Variants in CNTNAP2 observed in about 807,000 individuals in gnomAD.
CNTNAP2 encodes the protein contactin associated protein 2.
A neutral mutation model predicts 155.2 loss-of-function variants in CNTNAP2; 98 were observed. The ratio of observed to expected loss-of-function variants is 0.63; its 90% CI spans 0.54 to 0.75. The LOEUF (loss-of-function observed/expected upper bound fraction) is 0.75. Among genes scored for constraint, CNTNAP2 ranks in the 30% least tolerant of loss-of-function variants. The probability of loss-of-function intolerance (pLI) is 0.00; values close to 1 mark genes in which losing one functional copy is unlikely to be tolerated. For missense variants in CNTNAP2, 1,727 were observed against 1,688.1 expected, an observed-to-expected ratio of 1.02 and a Z score of -0.40; for synonymous variants, 651 against 631.2, an observed-to-expected ratio of 1.03 and a Z score of -0.47.
rs73164092 is a variant in CNTNAP2 at position 146,565,689 on chromosome 7, G to A, written c.98-208582G>A. ...CAAAAAACATCCCTTCGAAATGTAG[G>A]CATACACAATGATTTTTAAAGTTGT... On this transcript the variant is annotated intron_variant, in intron 1 of 23. Coordinates refer to ENST00000361727, the MANE Select transcript of CNTNAP2 (RefSeq NM_014141.6). 3.0e-3 allele frequency among the ~76,000 whole-genome samples: 452 copies of A among 152,278 alleles called. 2 individuals carry two copies. Among genetic ancestry groups the A allele is most frequent in the Non-Finnish European group, 4.5e-3 (308 of 68,024 alleles).
In CNTNAP2 at chr7:148,363,180, T is replaced by C. The variant is rs1056355452; in HGVS notation, c.3476-20469T>C. ...ATTTTTTTAGTAGAGACGGGGTTTC[T>C]CCATGTTGGCCTGGCTGGTCTCAAA... On this transcript the variant is annotated intron_variant, in intron 21 of 23. Coordinates refer to ENST00000361727, the MANE Select transcript of CNTNAP2 (RefSeq NM_014141.6). Among the ~76,000 whole-genome samples, 11 of 152,268 alleles carry C rather than the reference T, an allele frequency of 7.2e-5. No individual in the cohort carries two copies. The East Asian group carries it at 1.7e-3, about 24-fold the overall frequency.
chr7:147,306,686 C>G (rs963174718), intron 9 of CNTNAP2, among the ~76,000 whole-genome samples: 4 of 152,126 alleles, frequency 2.6e-5, no homozygotes, highest in African/African-American at 4.8e-5. Flanking sequence ...GAAGAGAACA[C>G]CCAGCTAAGA....
intron 2 of CNTNAP2, among the ~76,000 whole-genome samples, chr7:146,801,780 C>G (rs548412217): frequency 2.8e-4 from 42 of 152,198 alleles, no homozygotes; most frequent in African/African-American, 7.5e-4. Flanking sequence ...TGAGAAAGCT[C>G]TTTTATTATA....
At chr7:148,070,531 A>G (rs930020601) in intron 15 of CNTNAP2, among the ~76,000 whole-genome samples, 8 of 152,226 alleles carry the variant, frequency 5.3e-5, no homozygotes, top group Admixed American at 1.3e-4. Context: ...AGCCTGGCCA[A>G]TATGGCAAAA....
chr7:146,932,500 G>A (rs1007880335), intron 3 of CNTNAP2, among the ~76,000 whole-genome samples: 9 of 152,094 alleles, frequency 5.9e-5, no homozygotes, highest in African/African-American at 2.2e-4. Flanking sequence ...GGCAGAAACT[G>A]GAAGCACTCC....
At chr7:147,869,760 GT>G (rs1799297534) in intron 13 of CNTNAP2, among the ~76,000 whole-genome samples, 1 of 152,178 alleles carries the variant, frequency 6.6e-6, no homozygotes, top group South Asian at 2.1e-4. Flanking sequence ...ATGGAATGAT[GT>G]AAAACATAGA....
chr7:148,102,779 T>A lies in CNTNAP2; in HGVS notation c.2384-15339T>A, dbSNP rs543788296. Among the ~76,000 whole-genome samples the A allele has an allele frequency of 3.5e-4, 53 of 152,306 alleles. 1 individual carries two copies. The highest frequency in any genetic ancestry group is 1.2e-3 in the African/African-American group (49 of 41,568). The stretch of plus-strand genomic sequence containing the variant: ...GCAGTTTGCATATAGCTTTGGGGCC[T>A]GTAGTGCTGTGGTAACCATTGTTGA... On this transcript the variant is annotated intron_variant, in intron 15 of 23. Transcript: ENST00000361727.
At chr7:147,334,158 A>G (rs932853401) in intron 9 of CNTNAP2, among the ~76,000 whole-genome samples, 1 of 152,162 alleles carries the variant, frequency 6.6e-6, no homozygotes, top group African/African-American at 2.4e-5. Context: ...GTCTTAATCC[A>G]ACACTTCTAT....
Position 146,774,508 on chromosome 7 carries a change from T to C in CNTNAP2, c.208+127T>C. The C allele has an allele frequency of 4.4e-6, 3 of 689,122 alleles. No individual in the cohort carries two copies. The South Asian group carries it at 4.8e-5, about 11-fold the overall frequency. 42.7% of individuals were successfully genotyped at this position (689,122 alleles called of 1,614,324 possible). Reference sequence around the variant, plus strand: ...CACCAGAAATCACTCCTGCCACTTCTATTAAAAGATCCATAGATGCCATTA... The same window carrying C: ...CACCAGAAATCACTCCTGCCACTTCCATTAAAAGATCCATAGATGCCATTA... On this transcript the variant is annotated intron_variant, in intron 2 of 23. Transcript: ENST00000361727.
intron 9 of CNTNAP2, 106 bp downstream of exon 9, chr7:147,300,396 A>AG: frequency 8.0e-7 from 1 of 1,257,056 alleles, no homozygotes; most frequent in Non-Finnish European, 1.1e-6. Context: ...GACTCAGTAG[A>AG]TCTCATGACA....
intron 22 of CNTNAP2, among the ~76,000 whole-genome samples, chr7:148,401,961 G>T (rs1386674328): frequency 6.6e-6 from 1 of 152,142 alleles, no homozygotes; most frequent in Non-Finnish European, 1.5e-5. Flanking sequence ...TACAATGTCA[G>T]CCTACTCTGA....
At chr7:146,495,016 T>C (rs1245676299) in intron 1 of CNTNAP2, among the ~76,000 whole-genome samples, 1 of 152,230 alleles carries the variant, frequency 6.6e-6, no homozygotes, top group Admixed American at 6.5e-5. Flanking sequence ...TTATCATCCA[T>C]TCTAGCAGAA....
At chr7:147,730,466 A>C (rs1418469445) in intron 13 of CNTNAP2, among the ~76,000 whole-genome samples, 3 of 152,090 alleles carry the variant, frequency 2.0e-5, no homozygotes, top group Non-Finnish European at 4.4e-5. Context: ...ATTTGTGATC[A>C]GTGACCTTTG....
chr7:146,751,640 G>C (rs1341165129), intron 1 of CNTNAP2, among the ~76,000 whole-genome samples: 1 of 151,796 alleles, frequency 6.6e-6, no homozygotes, highest in Non-Finnish European at 1.5e-5. Context: ...CTAAGTTCTG[G>C]GATACATGTG....
At chr7:146,803,090 G>A (rs1802908884) in intron 2 of CNTNAP2, among the ~76,000 whole-genome samples, 1 of 152,162 alleles carries the variant, frequency 6.6e-6, no homozygotes, top group East Asian at 1.9e-4. Flanking sequence ...GTAAATGCCA[G>A]GAATTGAGAG....
At chr7:147,778,137 C>T (rs1255666165) in intron 13 of CNTNAP2, among the ~76,000 whole-genome samples, 4 of 152,316 alleles carry the variant, frequency 2.6e-5, no homozygotes, top group African/African-American at 9.6e-5. Flanking sequence ...CCCATATTAT[C>T]CCAAAACTCA....
At chr7:146,926,449 A>G (rs910019566) in intron 3 of CNTNAP2, among the ~76,000 whole-genome samples, 22 of 152,096 alleles carry the variant, frequency 1.4e-4, no homozygotes, top group African/African-American at 5.1e-4. Flanking sequence ...AAACTTTTCC[A>G]TGAATTAGAC....
chr7:148,201,844 G>A (rs1795375571), intron 18 of CNTNAP2, among the ~76,000 whole-genome samples: 1 of 151,946 alleles, frequency 6.6e-6, no homozygotes, highest in African/African-American at 2.4e-5. Flanking sequence ...AGAAAGAAGT[G>A]ATTACTTTAA....
At chr7:148,268,278 T>C (rs953072640) in intron 21 of CNTNAP2, among the ~76,000 whole-genome samples, 1 of 152,126 alleles carries the variant, frequency 6.6e-6, no homozygotes, top group Admixed American at 6.5e-5. Context: ...GTGATCAGAA[T>C]AGCATTAATG....
Sources: gnomAD v4.1 joint callset for allele counts (sites outside exome capture counted in the v4.1 genomes callset) on GRCh38, gnomAD v4.1.1 for gene constraint, MANE v1.5 for transcripts, NCBI Gene and HGNC (gene_info 2026-07-23, HGNC 2026-07-21) for gene names.